Variants in IL11RA observed in about 807,000 individuals in gnomAD.
IL11RA encodes the protein interleukin-11 receptor subunit alpha.
IL11RA carries 51 observed loss-of-function variants against 57.0 expected under a neutral mutation model. The observed-to-expected ratio is 0.89, with a 90% CI of 0.71 to 1.13. The LOEUF is 1.13. IL11RA is among the 50% of genes most tolerant of loss of function. The pLI is 0.00. For synonymous variants in IL11RA, 199 were observed against 217.5 expected (o/e 0.91, Z 0.75); for missense variants, 498 against 539.4 (o/e 0.92, Z 0.76).
At chr9:34,656,646 A>C (rs1200566161) in intron 3 of IL11RA, 93 bp from the exon 4 acceptor site, 2 of 1,436,650 alleles carry the variant, frequency 1.4e-6, no homozygotes, top group East Asian at 4.6e-5. Flanking sequence ...GTTCTATTGC[A>C]AATGCAGTTA....
chr9:34,656,848 AC>A lies in IL11RA; in HGVS notation c.273del (p.Tyr92ThrfsTer14). The A allele has an allele frequency of 6.2e-7, 1 of 1,614,128 alleles. No individual in the cohort carries two copies. The highest frequency in any genetic ancestry group is 8.5e-7 in the Non-Finnish European group (1 of 1,180,018). ...LAQADSTDEG[T>X]YICQTLDGAL... ...CCAGGCAGACAGCACTGATGAGGGC[AC>A]CTACATCTGCCAGACCCTGGATGGT... On this transcript the variant is annotated frameshift_variant, in exon 4 of 13. Transcript: ENST00000441545. LOFTEE classifies it high-confidence loss of function.
At chr9:34,652,749 C>T (rs1246114321) in intron 1 of IL11RA, among the ~76,000 whole-genome samples, 3 of 152,076 alleles carry the variant, frequency 2.0e-5, no homozygotes, top group African/African-American at 7.2e-5. Flanking sequence ...GGGGGACCTA[C>T]CTCAAGAGCC....
In IL11RA at chr9:34,653,479, C is replaced by A. The variant is rs544064031; in HGVS notation, c.-1+1246C>A. 2.6e-5 allele frequency among the ~76,000 whole-genome samples: 4 copies of A among 152,290 alleles called. No homozygotes were observed. The East Asian group carries it at 7.7e-4, about 29-fold the overall frequency. On this transcript the variant is annotated intron_variant, in intron 1 of 12. Coordinates refer to ENST00000441545, the MANE Select transcript of IL11RA (RefSeq NM_001142784.3). The surrounding 1 kb of genome is among the most constrained non-coding windows in gnomAD (Gnocchi z 4.5). ...TCTCCTTATATCCCCCAACCTGGGGCCTCCCTTCCCCTGGAAGCACAGCCA... is the reference window on the plus strand; with the variant it reads ...TCTCCTTATATCCCCCAACCTGGGGACTCCCTTCCCCTGGAAGCACAGCCA...
rs763755454 is a variant in IL11RA at position 34,658,587 on chromosome 9, C to A, written c.714C>A (p.Ala238=). ...SVPGYPRRLR[A]SWTYPASWPC... ...CAGGTTACCCCCGACGCCTGCGAGC[C>A]AGCTGGACATACCCTGCCTCCTGGC... The change falls in exon 8 of 13, where the codon GCC becomes GCA. Residue 238 remains alanine (A), a synonymous_variant. Transcript: ENST00000441545. The surrounding 1 kb of genome is among the most constrained non-coding windows in gnomAD (Gnocchi z 4.0). 1 of 1,614,174 alleles carries A rather than the reference C, an allele frequency of 6.2e-7. No individual in the cohort carries two copies. Among genetic ancestry groups the A allele is most frequent in the Non-Finnish European group, 8.5e-7 (1 of 1,180,040 alleles).
At chr9:34,655,764 C>G in intron 3 of IL11RA, 99 bp downstream of exon 3, 1 of 962,040 alleles carries the variant, frequency 1.0e-6, no homozygotes, top group South Asian at 1.3e-5. Context: ...CCGCTCTGTC[C>G]GTAATCCTCA....
chr9:34,659,897 A>G lies in IL11RA; in HGVS notation c.949A>G (p.Thr317Ala), dbSNP rs1432137662. The G allele has an allele frequency of 6.2e-7, 1 of 1,614,020 alleles. No individual in the cohort carries two copies. The highest frequency in any genetic ancestry group is 8.5e-7 in the Non-Finnish European group (1 of 1,179,994). The change falls in exon 9 of 13, where the codon ACT becomes GCT. Residue 317 changes from threonine (T) to alanine (A), a missense_variant. By Grantham distance (58) the Thr-to-Ala change is moderately conservative (BLOSUM62 0). Transcript: ENST00000441545. The stretch of plus-strand genomic sequence containing the variant: ...CCCGGAGGCCTGGGGAACTCCGAGC[A>G]CTGGTGAGAGACAAAGCCAAAGAAA... ...WSPEAWGTPS[T>A]GTIPKEIPAW...
rs1021379417 is a variant in IL11RA, at chr9:34,658,288, C to T, written c.647-232C>T. Among the ~76,000 whole-genome samples the T allele has an allele frequency of 3.3e-5, 5 of 152,310 alleles. No individual in the cohort carries two copies. The highest frequency in any genetic ancestry group is 9.6e-5 in the African/African-American group (4 of 41,574). On this transcript the variant is annotated intron_variant, in intron 7 of 12. Transcript: ENST00000441545. This position sits in a 1 kb window ranked among gnomAD's most constrained non-coding sequence, Gnocchi z 4.0. Reference sequence around the variant, plus strand: ...AACTCGTGGCATCAAGTGATCCTCCCGCCTCAGTCTTCCAGAGTGCTGAGA... The same window carrying T: ...AACTCGTGGCATCAAGTGATCCTCCTGCCTCAGTCTTCCAGAGTGCTGAGA...
intron 9 of IL11RA, 149 bp downstream of exon 9, chr9:34,660,049 G>A: frequency 1.6e-6 from 2 of 1,245,436 alleles, no homozygotes; most frequent in Admixed American, 2.0e-5. Flanking sequence ...TTTGCCTACA[G>A]CCCTGTCTTA....
At chr9:34,656,361 A>G (rs894855192) in intron 3 of IL11RA, among the ~76,000 whole-genome samples, 3 of 152,188 alleles carry the variant, frequency 2.0e-5, no homozygotes, top group African/African-American at 4.8e-5. Flanking sequence ...TAGTTAGGAA[A>G]GGTCTCTCTG....
At position 34,658,426 on chromosome 9, in the gene IL11RA, TG is replaced by T; in HGVS notation, c.647-92del. 7.9e-7 allele frequency: 1 copy of T among 1,270,102 alleles called. No homozygotes were observed. The highest frequency in any genetic ancestry group is 1.5e-5 in the African/African-American group (1 of 68,348). The allele number at this position is 1,270,102 out of a possible 1,614,324, so 78.7% of individuals were successfully genotyped here. A position where few individuals can be genotyped will look rare whatever the true frequency, so the allele number is the denominator to read the frequency against. The stretch of plus-strand genomic sequence containing the variant: ...TTTCCCCTCCCCTCTCAGGAGTGTC[TG>T]GCTAAGGCTCCTTTAAACACACACT... On this transcript the variant is annotated intron_variant, in intron 7 of 12. Transcript: ENST00000441545. The surrounding 1 kb of genome is among the most constrained non-coding windows in gnomAD (Gnocchi z 4.0).
In IL11RA at chr9:34,657,565, G is replaced by A. The variant is rs1374608487; in HGVS notation, c.624G>A (p.Leu208=). The change falls in exon 7 of 13, where the codon CTG becomes CTA. Residue 208 remains leucine, a synonymous_variant. Transcript: ENST00000441545. Reference sequence around the variant, plus strand: ...CACTGGGTGCCAGCACACGCCTGCTGGATGTGAGCTTGCAGAGCATCTGTG... The same window carrying A: ...CACTGGGTGCCAGCACACGCCTGCTAGATGTGAGCTTGCAGAGCATCTGTG... ...VNPLGASTRL[L]DVSLQSILRP... is the part of the protein sequence containing the mutation. 6.2e-7 allele frequency: 1 copy of A among 1,614,102 alleles called. No homozygotes were observed. The highest frequency in any genetic ancestry group is 1.1e-5 in the South Asian group (1 of 91,086).
chr9:34,655,610 C>T lies in IL11RA; in HGVS notation c.106C>T (p.Gln36Ter), dbSNP rs201295842. 21 of 1,613,868 alleles carry T rather than the reference C, an allele frequency of 1.3e-5. No individual in the cohort carries two copies. The highest frequency in any genetic ancestry group is 1.8e-5 in the Non-Finnish European group (21 of 1,179,956). ...CPQAWGPPGV[Q>*]YGQPGRSVKL... is the part of the protein sequence containing the mutation. ...CTCAGAAGTGCCCTCCACAGGGGTC[C>T]AGTATGGGCAGCCAGGCAGGTCCGT... Residue 36 changes from glutamine to a stop codon, truncating the protein, a stop_gained, in exon 3 of 13, where the codon CAG becomes TAG. Transcript: ENST00000441545. LOFTEE classifies it high-confidence loss of function.
At chr9:34,660,035 C>A in intron 9 of IL11RA, 135 bp downstream of exon 9, 1 of 1,283,578 alleles carries the variant, frequency 7.8e-7, no homozygotes, top group East Asian at 2.5e-5. Flanking sequence ...AGACTTCAGA[C>A]TTGTTTGCCT....
chr9:34,657,244 C>T (rs752917080), intron 5 of IL11RA, 59 bp from the exon 6 acceptor site: 2 of 1,611,450 alleles, frequency 1.2e-6, no homozygotes, highest in South Asian at 2.2e-5. Flanking sequence ...AGGAAAGCCT[C>T]AGAGAGGGCA....
intron 12 of IL11RA, 132 bp from the exon 13 acceptor site, chr9:34,661,350 C>T: frequency 2.1e-6 from 2 of 971,006 alleles, no homozygotes; most frequent in Non-Finnish European, 1.7e-6. Context: ...GAAGAGGCTC[C>T]CTCAGAGCTG....
At position 34,660,494 on chromosome 9, in the gene IL11RA, TC is replaced by T; in HGVS notation, c.1073-5del. 6.2e-7 allele frequency: 1 copy of T among 1,613,186 alleles called. No individual in the cohort carries two copies. Among genetic ancestry groups the T allele is most frequent in the Non-Finnish European group, 8.5e-7 (1 of 1,179,260 alleles). On this transcript the variant is annotated splice_polypyrimidine_tract_variant and intron_variant, in intron 10 of 12. Transcript: ENST00000441545. Reference sequence around the variant, plus strand: ...GCTTGCTCTCAGTGACATGTGGCCCTCCCCCTCAGATCACAGGGACTCTGTG... The same window carrying T: ...GCTTGCTCTCAGTGACATGTGGCCCTCCCCTCAGATCACAGGGACTCTGTG...
At chr9:34,656,978 C>T (rs1457014656) in intron 4 of IL11RA, 57 bp from the exon 5 acceptor site, 1 of 1,611,020 alleles carries the variant, frequency 6.2e-7, no homozygotes. Flanking sequence ...AGTAAGCCCT[C>T]TGGGACCAGG....
intron 12 of IL11RA, 32 bp from the exon 13 acceptor site, chr9:34,661,450 G>C: frequency 6.2e-7 from 1 of 1,612,960 alleles, no homozygotes; most frequent in African/African-American, 1.3e-5. Flanking sequence ...CGGTCTTACT[G>C]TCTCTCCTGA....
chr9:34,661,729 G>A lies in IL11RA; in HGVS notation c.*231G>A. The A allele has an allele frequency of 1.4e-6, 1 of 694,618 alleles. No individual in the cohort carries two copies. Among genetic ancestry groups the A allele is most frequent in the Admixed American group, 2.2e-5 (1 of 44,736 alleles). 43.0% of individuals were successfully genotyped at this position (694,618 alleles called of 1,614,324 possible). A position where few individuals can be genotyped will look rare whatever the true frequency, so the allele number is the denominator to read the frequency against. ...AGGAACGTGTGTAATGTGTACATCTGTGTCCATGTGTGACCATGTGTCTGT... is the reference window on the plus strand; with the variant it reads ...AGGAACGTGTGTAATGTGTACATCTATGTCCATGTGTGACCATGTGTCTGT... On this transcript the variant is annotated 3_prime_UTR_variant, in exon 13 of 13. Coordinates refer to ENST00000441545, the MANE Select transcript of IL11RA (RefSeq NM_001142784.3).
Sources: allele counts gnomAD v4.1 joint callset (sites outside exome capture counted in the v4.1 genomes callset), GRCh38; gene constraint gnomAD v4.1.1; non-coding constraint Gnocchi (gnomAD v3.1); transcripts MANE v1.5; gene names NCBI Gene and HGNC (gene_info 2026-07-23, HGNC 2026-07-21).